The following BCAS3 variants were observed in gnomAD, a reference collection of about 807,000 sequenced individuals.
BCAS3 encodes BCAS4/BCAS3 fusion.
In BCAS3, 53 loss-of-function variants were observed where a neutral mutation model predicts 116.1. The ratio of observed to expected loss-of-function variants is 0.46; its 90% confidence interval spans 0.37 to 0.57. The LOEUF is 0.57. BCAS3 is among the 20% of genes least tolerant of loss of function. The pLI, the probability that BCAS3 is intolerant of heterozygous loss-of-function variation, is 0.00. For missense variants in BCAS3, 917 were observed against 1,165.4 expected (o/e 0.79, Z 3.10); for synonymous variants, 391 against 408.2 (o/e 0.96, Z 0.51).
intron 22 of BCAS3, among the ~76,000 whole-genome samples, chr17:61,253,079 T>C (rs2048492281): frequency 6.6e-6 from 1 of 151,456 alleles, no homozygotes; most frequent in South Asian, 2.1e-4. Context: ...TTCCACCATG[T>C]TGACCAGGCT....
rs1602133052 is a variant in BCAS3 at position 61,241,727 on chromosome 17, A to T, written c.2426-126600A>T. Among the ~76,000 whole-genome samples the T allele has an allele frequency of 6.6e-6, 1 of 152,062 alleles. No individual in the cohort carries two copies. The highest frequency in any genetic ancestry group is 2.4e-5 in the African/African-American group (1 of 41,434). On this transcript the variant is annotated intron_variant, in intron 22 of 23. Transcript: ENST00000407086. The surrounding 1 kb of genome is among the most constrained non-coding windows in gnomAD (Gnocchi z 4.6). The stretch of plus-strand genomic sequence containing the variant: ...GAGGGAGACTCCATCTCAAAAAATA[A>T]TAATAAGAATAATAGTTTGGAGGTA...
rs1315938473 is a variant in BCAS3 at position 61,315,370 on chromosome 17, C to T, written c.2426-52957C>T. Among the ~76,000 whole-genome samples the T allele has an allele frequency of 1.3e-5, 2 of 152,174 alleles. No individual in the cohort carries two copies. The highest frequency in any genetic ancestry group is 3.9e-4 in the East Asian group (2 of 5,194). On this transcript the variant is annotated intron_variant, in intron 22 of 23. Transcript: ENST00000407086. This position sits in a 1 kb window ranked among gnomAD's most constrained non-coding sequence, Gnocchi z 5.3. ...CTGACCTCAGGTGATCCGGCCGCCTCAGCCTCCCAAAGTGCTGGGATTACA... is the reference window on the plus strand; with the variant it reads ...CTGACCTCAGGTGATCCGGCCGCCTTAGCCTCCCAAAGTGCTGGGATTACA...
rs1032418755 is a variant in BCAS3 at position 61,021,720 on chromosome 17, G to A, written c.1637+5819G>A. Among the ~76,000 whole-genome samples, 1 of 152,156 alleles carries A rather than the reference G, an allele frequency of 6.6e-6. No individual in the cohort carries two copies. Among genetic ancestry groups the A allele is most frequent in the African/African-American group, 2.4e-5 (1 of 41,434 alleles). On this transcript the variant is annotated intron_variant, in intron 16 of 23. Transcript: ENST00000407086. This position sits in a 1 kb window ranked among gnomAD's most constrained non-coding sequence, Gnocchi z 4.6. ...TGCTTTTAAATGATATTAAATGGAAGCATTAAATAGCATTTATTCAGACAC... is the reference window on the plus strand; with the variant it reads ...TGCTTTTAAATGATATTAAATGGAAACATTAAATAGCATTTATTCAGACAC...
intron 7 of BCAS3, among the ~76,000 whole-genome samples, chr17:60,866,851 G>C (rs1213546912): frequency 6.6e-6 from 1 of 151,882 alleles, no homozygotes; most frequent in East Asian, 1.9e-4. Context: ...AAATAACAAA[G>C]TTTTTGTTTT....
chr17:61,163,841 C>G (rs575556384), intron 22 of BCAS3, among the ~76,000 whole-genome samples: 3 of 151,962 alleles, frequency 2.0e-5, no homozygotes, highest in Admixed American at 2.0e-4. Flanking sequence ...ACAAAATTAG[C>G]CAGGCATGGT....
intron 11 of BCAS3, among the ~76,000 whole-genome samples, chr17:60,904,593 AG>A (rs1385768864): frequency 6.6e-6 from 1 of 152,132 alleles, no homozygotes; most frequent in Non-Finnish European, 1.5e-5. Context: ...GCATTCTGGG[AG>A]GCTGAGGTGG....
intron 6 of BCAS3, among the ~76,000 whole-genome samples, chr17:60,787,345 CAG>C (rs2046367617): frequency 6.6e-6 from 1 of 152,148 alleles, no homozygotes; most frequent in Non-Finnish European, 1.5e-5. Flanking sequence ...TCTTTTGTTT[CAG>C]AGAGTTTTCC....
intron 6 of BCAS3, among the ~76,000 whole-genome samples, chr17:60,760,937 T>A (rs2144350589): frequency 6.6e-6 from 1 of 152,212 alleles, no homozygotes; most frequent in Non-Finnish European, 1.5e-5. Context: ...CCTGACTGGA[T>A]TATTTCAAAA....
At chr17:60,985,031 A>C (rs1453576975) in intron 14 of BCAS3, among the ~76,000 whole-genome samples, 4 of 147,290 alleles carry the variant, frequency 2.7e-5, no homozygotes, top group Non-Finnish European at 5.9e-5. Context: ...AAAAAAAAAA[A>C]GTTTTGTTTT....
Position 61,233,981 on chromosome 17 carries a change from T to G in BCAS3, c.2426-134346T>G, listed in dbSNP as rs1276966344. On this transcript the variant is annotated intron_variant, in intron 22 of 23. Transcript: ENST00000407086. The surrounding 1 kb of genome is among the most constrained non-coding windows in gnomAD (Gnocchi z 4.3). The stretch of plus-strand genomic sequence containing the variant: ...GAGTATTACTAATATCAGGTTTGGT[T>G]TTTTTTTTTTTCACTTAGTACCCAC... Among the ~76,000 whole-genome samples the G allele has an allele frequency of 2.0e-5, 3 of 149,498 alleles. No homozygotes were observed. Among genetic ancestry groups the G allele is most frequent in the African/African-American group, 7.3e-5 (3 of 40,964 alleles).
chr17:61,336,303 GC>G (rs1257308646), intron 22 of BCAS3, among the ~76,000 whole-genome samples: 1 of 152,232 alleles, frequency 6.6e-6, no homozygotes, highest in Non-Finnish European at 1.5e-5. Flanking sequence ...CTATAACGGG[GC>G]TTTGAACACT....
chr17:61,057,363 G>C (rs2069491414), intron 19 of BCAS3, among the ~76,000 whole-genome samples: 1 of 152,166 alleles, frequency 6.6e-6, no homozygotes, highest in African/African-American at 2.4e-5. Flanking sequence ...TAACCTTACA[G>C]ATTTGTGACT....
At chr17:60,688,379 G>A (rs946131263) in intron 3 of BCAS3, among the ~76,000 whole-genome samples, 6 of 151,792 alleles carry the variant, frequency 4.0e-5, no homozygotes, top group African/African-American at 1.2e-4. Flanking sequence ...GGCTCACTGC[G>A]GCCTCAATTT....
chr17:60,790,151 TAGTA>T (rs573195909), intron 6 of BCAS3, among the ~76,000 whole-genome samples: 19 of 152,324 alleles, frequency 1.2e-4, no homozygotes, highest in African/African-American at 4.6e-4. Context: ...TATAAATTTT[TAGTA>T]AGTATTATGT....
chr17:60,726,954 AGTTAGT>A (rs1346555907), intron 5 of BCAS3, among the ~76,000 whole-genome samples: 1 of 152,186 alleles, frequency 6.6e-6, no homozygotes, highest in African/African-American at 2.4e-5. Flanking sequence ...CAATTTTACT[AGTTAGT>A]GTTAGTCTTA....
chr17:61,331,511 G>A (rs1376266305), intron 22 of BCAS3, among the ~76,000 whole-genome samples: 1 of 152,140 alleles, frequency 6.6e-6, no homozygotes, highest in Non-Finnish European at 1.5e-5. Flanking sequence ...AAAAGGTCCA[G>A]GCCAGGCACA....
intron 8 of BCAS3, among the ~76,000 whole-genome samples, chr17:60,870,508 A>T (rs990365343): frequency 6.6e-6 from 1 of 152,210 alleles, no homozygotes; most frequent in African/African-American, 2.4e-5. Flanking sequence ...GTTAAGGGTA[A>T]TAAGTCTTCA....
At chr17:61,295,886 C>T (rs943568189) in intron 22 of BCAS3, among the ~76,000 whole-genome samples, 13 of 148,422 alleles carry the variant, frequency 8.8e-5, no homozygotes, top group Admixed American at 2.7e-4. Context: ...ACCTGGGAGG[C>T]GGAGGTTGCA....
At chr17:60,753,383 T>TTTTTTTTATTTA (rs1555694760) in intron 6 of BCAS3, among the ~76,000 whole-genome samples, 1 of 135,610 alleles carries the variant, frequency 7.4e-6, no homozygotes, top group Non-Finnish European at 1.6e-5. Context: ...TTGTCTCTTA[T>TTTTTTTTATTTA]TTTATTTATT....
Sources: allele counts gnomAD v4.1 joint callset (sites outside exome capture counted in the v4.1 genomes callset), GRCh38; gene constraint gnomAD v4.1.1; non-coding constraint Gnocchi (gnomAD v3.1); transcripts MANE v1.5; gene names NCBI Gene and HGNC (gene_info 2026-07-23, HGNC 2026-07-21).